PURA: variants seen among roughly 807,000 people sequenced by gnomAD.
The protein encoded by PURA is purine rich element binding protein A, also known as transcriptional activator protein Pur-alpha.
PURA carries 2 observed loss-of-function variants against 23.1 expected under a neutral mutation model. The observed-to-expected ratio is 0.09, with a 90% CI of 0.04 to 0.27. PURA has a LOEUF of 0.27. Ranked by LOEUF, PURA falls within the 10% of genes least tolerant of loss-of-function variation. The probability of loss-of-function intolerance (pLI) is 1.00; values close to 1 mark genes in which losing one functional copy is unlikely to be tolerated. For synonymous variants in PURA, 254 were observed against 205.9 expected, an observed-to-expected ratio of 1.23 and a Z score of -2.00; for missense variants, 187 against 449.7, an observed-to-expected ratio of 0.42 and a Z score of 5.28.
chr5:140,118,167 CAA>C lies in PURA; in HGVS notation c.*3021_*3022del, dbSNP rs1352431864. ...TAGAAGACAGTATGATCAAATGTGC[CAA>C]AAACAAGCAAACAAAACTTAATTCC... On this transcript the variant is annotated 3_prime_UTR_variant, in exon 1 of 1. Transcript: ENST00000331327. The C allele has an allele frequency of 6.0e-6, 1 of 166,836 alleles. No homozygotes were observed. Among genetic ancestry groups the C allele is most frequent in the Non-Finnish European group, 1.5e-5 (1 of 68,052 alleles). 10.3% of individuals were successfully genotyped at this position (166,836 alleles called of 1,614,324 possible). A position where few individuals can be genotyped will look rare whatever the true frequency, so the allele number is the denominator to read the frequency against.
At position 140,114,631 on chromosome 5, in the gene PURA, C is replaced by G. The variant is rs201822080; in HGVS notation, c.450C>G (p.Arg150=). 418 of 1,609,326 alleles carry G rather than the reference C, an allele frequency of 2.6e-4. 2 individuals carry two copies. The East Asian group carries it at 7.4e-3, about 28-fold the overall frequency. The change falls in exon 1 of 1, where the codon CGC becomes CGG. Residue 150 remains arginine (R), a synonymous_variant. Coordinates refer to ENST00000331327, the MANE Select transcript of PURA (RefSeq NM_005859.5). Reference sequence around the variant, plus strand: ...CGCTCAAAAGCGAGTTCCTGGTGCGCGAGAACCGCAAGTACTACATGGATC... The same window carrying G: ...CGCTCAAAAGCGAGTTCCTGGTGCGGGAGAACCGCAAGTACTACATGGATC... ...RRALKSEFLV[R]ENRKYYMDLK...
In PURA at chr5:140,114,195, A is replaced by G; in HGVS notation, c.14A>G (p.Asp5Gly). 2.4e-6 allele frequency: 2 copies of G among 847,982 alleles called. No homozygotes were observed. Among genetic ancestry groups the G allele is most frequent in the Non-Finnish European group, 3.1e-6 (2 of 653,100 alleles). 52.5% of individuals were successfully genotyped at this position (847,982 alleles called of 1,614,324 possible). A position where few individuals can be genotyped will look rare whatever the true frequency, so the allele number is the denominator to read the frequency against. Residue 5 changes from aspartate (D) to glycine (G), a missense_variant, in exon 1 of 1, where the codon GAC (aspartate) becomes GGC (glycine). Asp to Gly is a moderately conservative substitution (Grantham distance 94, BLOSUM62 -1). Transcript: ENST00000331327. The part of the protein sequence containing the change: MADR[D>G]SGSEQGGAAL... ...GAGCGCAGCATCATGGCGGACCGAG[A>G]CAGCGGCAGCGAGCAGGGTGGTGCG...
In PURA at chr5:140,117,144, C is replaced by T. The variant is rs1763089425; in HGVS notation, c.*1994C>T. 1 of 167,002 alleles carries T rather than the reference C, an allele frequency of 6.0e-6. No individual in the cohort carries two copies. Among genetic ancestry groups the T allele is most frequent in the Admixed American group, 6.5e-5 (1 of 15,282 alleles). The allele number at this position is 167,002 out of a possible 1,614,324, so 10.3% of individuals were successfully genotyped here. On this transcript the variant is annotated 3_prime_UTR_variant, in exon 1 of 1. Coordinates refer to ENST00000331327, the MANE Select transcript of PURA (RefSeq NM_005859.5). The stretch of plus-strand genomic sequence containing the variant: ...ATTTTCATTGTACTGTGCATTTTCC[C>T]ATTAAATTGTTTGCTTTTAATATTC...
At position 140,114,754 on chromosome 5, in the gene PURA, C is replaced by G. The variant is rs925159576; in HGVS notation, c.573C>G (p.Pro191=). ...CGCAGGGCCAGACCATTGCGCTGCC[C>G]GCGCAGGGGCTCATCGAGTTCCGTG... ...GSTQGQTIAL[P]AQGLIEFRDA... Residue 191 remains proline (P), a synonymous_variant, in exon 1 of 1, where the codon CCC becomes CCG. Transcript: ENST00000331327. 1.9e-6 allele frequency: 3 copies of G among 1,612,490 alleles called. No homozygotes were observed. Among genetic ancestry groups the G allele is most frequent in the Non-Finnish European group, 2.5e-6 (3 of 1,179,212 alleles).
In PURA at chr5:140,123,184, C is replaced by T. The variant is rs1356467994; in HGVS notation, c.*8034C>T. ...GCAAAGCCTTCTTAAATAGCCCCTC[C>T]CTTAGAAATTTGTTTAAAAAGAAGT... On this transcript the variant is annotated 3_prime_UTR_variant, in exon 1 of 1. Transcript: ENST00000331327. 2 of 166,828 alleles carry T rather than the reference C, an allele frequency of 1.2e-5. No individual in the cohort carries two copies. Among genetic ancestry groups the T allele is most frequent in the Non-Finnish European group, 1.5e-5 (1 of 67,996 alleles). 10.3% of individuals were successfully genotyped at this position (166,828 alleles called of 1,614,324 possible).
chr5:140,123,162 A>G lies in PURA; in HGVS notation c.*8012A>G, dbSNP rs1182628615. ...ACTATAACTCATTTAAGTCAATGCA[A>G]AGCCTTCTTAAATAGCCCCTCCCTT... On this transcript the variant is annotated 3_prime_UTR_variant, in exon 1 of 1. Transcript: ENST00000331327. The G allele has an allele frequency of 1.2e-5, 2 of 166,940 alleles. No homozygotes were observed. Among genetic ancestry groups the G allele is most frequent in the Non-Finnish European group, 2.9e-5 (2 of 68,028 alleles). The allele number at this position is 166,940 out of a possible 1,614,324, so 10.3% of individuals were successfully genotyped here.
At position 140,114,348 on chromosome 5, in the gene PURA, A is replaced by C; in HGVS notation, c.167A>C (p.His56Pro). ...GGGGAPGGLQHETQELASKRV... is the reference protein window; with the variant it reads ...GGGGAPGGLQPETQELASKRV... ...GGCGGGGCCCCAGGGGGGCTGCAGC[A>C]CGAGACGCAGGAGCTGGCCTCCAAG... The change falls in exon 1 of 1, where the codon CAC becomes CCC. Residue 56 changes from histidine (H) to proline (P), a missense_variant. Around this residue, in one of 9 missense-constraint regions of PURA, gnomAD observed 27 missense variants for 55.2 expected, o/e 0.49. Coordinates refer to ENST00000331327, the MANE Select transcript of PURA (RefSeq NM_005859.5). 6.3e-7 allele frequency: 1 copy of C among 1,579,058 alleles called. No homozygotes were observed. The highest frequency in any genetic ancestry group is 8.6e-7 in the Non-Finnish European group (1 of 1,169,206).
In PURA at chr5:140,114,410, G is replaced by A; in HGVS notation, c.229G>A (p.Val77Met). 1 of 1,612,808 alleles carries A rather than the reference G, an allele frequency of 6.2e-7. No individual in the cohort carries two copies. The highest frequency in any genetic ancestry group is 8.5e-7 in the Non-Finnish European group (1 of 1,179,788). ...DIQNKRFYLD[V>M]KQNAKGRFLK... ...CCAGAACAAGCGCTTCTACCTGGAC[G>A]TGAAGCAGAACGCCAAGGGCCGCTT... The change falls in exon 1 of 1, where the codon GTG (valine) becomes ATG (methionine). Residue 77 changes from valine (V) to methionine (M), a missense_variant. Around this residue, in one of 9 missense-constraint regions of PURA, gnomAD observed 24 missense variants for 75.2 expected, o/e 0.32. Transcript: ENST00000331327.
rs1763111778 is a variant in PURA, at chr5:140,118,237, A to G, written c.*3087A>G. The G allele has an allele frequency of 1.2e-5, 2 of 167,050 alleles. No homozygotes were observed. The highest frequency in any genetic ancestry group is 2.9e-5 in the Non-Finnish European group (2 of 68,100). The allele number at this position is 167,050 out of a possible 1,614,324, so 10.3% of individuals were successfully genotyped here. A position where few individuals can be genotyped will look rare whatever the true frequency, so the allele number is the denominator to read the frequency against. The stretch of plus-strand genomic sequence containing the variant: ...TTTTATTGATCTGCTTTGTCTTACA[A>G]TTAAGGTCCAAGAGCTTGGTTAAAC... On this transcript the variant is annotated 3_prime_UTR_variant, in exon 1 of 1. Transcript: ENST00000331327.
rs1763055938 is a variant in PURA at position 140,114,994 on chromosome 5, C to T, written c.813C>T (p.Phe271=). Residue 271 remains phenylalanine, a synonymous_variant, in exon 1 of 1, where the codon TTC becomes TTT. Transcript: ENST00000331327. ...TGTGGGCCAAGTTCGGACACACCTT[C>T]TGCAAGTACTCGGAGGAGATGAAGA... is the stretch of plus-strand genomic sequence containing the variant. ...YKVWAKFGHT[F]CKYSEEMKKI... The T allele has an allele frequency of 2.5e-6, 4 of 1,614,218 alleles. No homozygotes were observed. The highest frequency in any genetic ancestry group is 3.4e-6 in the Non-Finnish European group (4 of 1,180,030).
rs1487395403 is a variant in PURA, at chr5:140,119,865, G to T, written c.*4715G>T. ...ACAATATTCCCACTCATTTTTTCAG[G>T]TTATATATACACACACATTTCCAGA... On this transcript the variant is annotated 3_prime_UTR_variant, in exon 1 of 1. Coordinates refer to ENST00000331327, the MANE Select transcript of PURA (RefSeq NM_005859.5). 6.0e-6 allele frequency: 1 copy of T among 166,506 alleles called. No homozygotes were observed. The highest frequency in any genetic ancestry group is 1.5e-5 in the Non-Finnish European group (1 of 67,920). The allele number at this position is 166,506 out of a possible 1,614,324, so 10.3% of individuals were successfully genotyped here. A position where few individuals can be genotyped will look rare whatever the true frequency, so the allele number is the denominator to read the frequency against.
rs1354916332 is a variant in PURA, at chr5:140,116,322, C to T, written c.*1172C>T. ...GCTAGTGCTATTAACTTATGTAGAC[C>T]TGTTAAAAAGCAGAGCAACACAATT... On this transcript the variant is annotated 3_prime_UTR_variant, in exon 1 of 1. Coordinates refer to ENST00000331327, the MANE Select transcript of PURA (RefSeq NM_005859.5). 3 of 167,084 alleles carry T rather than the reference C, an allele frequency of 1.8e-5. No individual in the cohort carries two copies. The East Asian group carries it at 5.8e-4, about 32-fold the overall frequency. 10.4% of individuals were successfully genotyped at this position (167,084 alleles called of 1,614,324 possible).
Position 140,124,483 on chromosome 5 carries a change from T to A in PURA, c.*9333T>A, listed in dbSNP as rs1403591734. The A allele has an allele frequency of 6.0e-6, 1 of 166,898 alleles. No individual in the cohort carries two copies. The highest frequency in any genetic ancestry group is 6.5e-5 in the Admixed American group (1 of 15,278). 10.3% of individuals were successfully genotyped at this position (166,898 alleles called of 1,614,324 possible). On this transcript the variant is annotated 3_prime_UTR_variant, in exon 1 of 1. Coordinates refer to ENST00000331327, the MANE Select transcript of PURA (RefSeq NM_005859.5). Reference sequence around the variant, plus strand: ...GTATTTGAAATGAGAAAGTCCTTTATAACATAGTGTGAATGTTTGTGGCCA... The same window carrying A: ...GTATTTGAAATGAGAAAGTCCTTTAAAACATAGTGTGAATGTTTGTGGCCA...
At position 140,124,389 on chromosome 5, in the gene PURA, A is replaced by G. The variant is rs1678023554; in HGVS notation, c.*9239A>G. The G allele has an allele frequency of 6.0e-6, 1 of 166,896 alleles. No individual in the cohort carries two copies. The highest frequency in any genetic ancestry group is 2.1e-4 in the South Asian group (1 of 4,830). 10.3% of individuals were successfully genotyped at this position (166,896 alleles called of 1,614,324 possible). On this transcript the variant is annotated 3_prime_UTR_variant, in exon 1 of 1. Transcript: ENST00000331327. ...GAGAGGTGGTGTTTTACTTTTTGAC[A>G]TGCTCTTAGCATGTTTTGCTAGTCA...
chr5:140,123,326 T>C lies in PURA; in HGVS notation c.*8176T>C, dbSNP rs987972793. On this transcript the variant is annotated 3_prime_UTR_variant, in exon 1 of 1. Coordinates refer to ENST00000331327, the MANE Select transcript of PURA (RefSeq NM_005859.5). ...TAGCCCATTTCCATGCTGCATATAG[T>C]TGTTAGGGTTTATAAAGTTGTCAAT... 4 of 166,874 alleles carry C rather than the reference T, an allele frequency of 2.4e-5. No individual in the cohort carries two copies. Among genetic ancestry groups the C allele is most frequent in the African/African-American group, 9.7e-5 (4 of 41,408 alleles). The allele number at this position is 166,874 out of a possible 1,614,324, so 10.3% of individuals were successfully genotyped here.
chr5:140,115,047 G>A lies in PURA; in HGVS notation c.866G>A (p.Arg289Gln). The change falls in exon 1 of 1, where the codon CGG becomes CAG. Residue 289 changes from arginine to glutamine, a missense_variant. Arg to Gln is a conservative substitution (Grantham distance 43). Transcript: ENST00000331327. The surrounding 1 kb of genome is among the most constrained non-coding windows in gnomAD (Gnocchi z 4.1). ...KKIQEKQREKRAACEQLHQQQ... is the reference protein window; with the variant it reads ...KKIQEKQREKQAACEQLHQQQ... ...ATTCAAGAGAAGCAGAGGGAGAAGC[G>A]GGCTGCCTGTGAGCAGCTTCACCAG... 1 of 1,613,934 alleles carries A rather than the reference G, an allele frequency of 6.2e-7. No individual in the cohort carries two copies. Among genetic ancestry groups the A allele is most frequent in the Middle Eastern group, 1.6e-4 (1 of 6,062 alleles).
rs1403332215 is a variant in PURA at position 140,122,962 on chromosome 5, A to C, written c.*7812A>C. The C allele has an allele frequency of 6.0e-6, 1 of 166,872 alleles. No individual in the cohort carries two copies. The highest frequency in any genetic ancestry group is 1.5e-5 in the Non-Finnish European group (1 of 68,012). The allele number at this position is 166,872 out of a possible 1,614,324, so 10.3% of individuals were successfully genotyped here. On this transcript the variant is annotated 3_prime_UTR_variant, in exon 1 of 1. Coordinates refer to ENST00000331327, the MANE Select transcript of PURA (RefSeq NM_005859.5). ...ATTAGTGATAAAAATCTCTTTTAAAAATAGCAAAAAAGTGGTTCTGATTTT... is the reference window on the plus strand; with the variant it reads ...ATTAGTGATAAAAATCTCTTTTAAACATAGCAAAAAAGTGGTTCTGATTTT...
At position 140,115,301 on chromosome 5, in the gene PURA, C is replaced by A; in HGVS notation, c.*151C>A. On this transcript the variant is annotated 3_prime_UTR_variant, in exon 1 of 1. Coordinates refer to ENST00000331327, the MANE Select transcript of PURA (RefSeq NM_005859.5). This position sits in a 1 kb window ranked among gnomAD's most constrained non-coding sequence, Gnocchi z 4.1. ...ACCTGTTAACTCCAAGGGAGCACCA[C>A]CCACAGAACCTCCACCAACTGACAG... 1.9e-6 allele frequency: 1 copy of A among 518,770 alleles called. No homozygotes were observed. The highest frequency in any genetic ancestry group is 3.3e-6 in the Non-Finnish European group (1 of 305,644). The allele number at this position is 518,770 out of a possible 1,614,324, so 32.1% of individuals were successfully genotyped here.
In PURA at chr5:140,114,187, G is replaced by T. The variant is rs1763034347; in HGVS notation, c.6G>T (p.Ala2=). 2 of 813,392 alleles carry T rather than the reference G, an allele frequency of 2.5e-6. No homozygotes were observed. The highest frequency in any genetic ancestry group is 3.2e-6 in the Non-Finnish European group (2 of 617,972). The allele number at this position is 813,392 out of a possible 1,614,324, so 50.4% of individuals were successfully genotyped here. The change falls in exon 1 of 1, where the codon GCG becomes GCT. Residue 2 remains alanine (A), a synonymous_variant. Coordinates refer to ENST00000331327, the MANE Select transcript of PURA (RefSeq NM_005859.5). Reference sequence around the variant, plus strand: ...CGGCAGCGGAGCGCAGCATCATGGCGGACCGAGACAGCGGCAGCGAGCAGG... The same window carrying T: ...CGGCAGCGGAGCGCAGCATCATGGCTGACCGAGACAGCGGCAGCGAGCAGG... M[A]DRDSGSEQGG...
Sources: gnomAD v4.1 joint callset for allele counts on GRCh38, gnomAD v4.1.1 for gene constraint, gnomAD v4.1.1 regional missense constraint, Gnocchi (gnomAD v3.1) non-coding constraint, MANE v1.5 for transcripts, NCBI Gene and HGNC (gene_info 2026-07-23, HGNC 2026-07-21) for gene names.